Variants in UCHL3 observed in about 807,000 individuals in gnomAD.
UCHL3 encodes ubiquitin C-terminal hydrolase L3.
UCHL3 carries 22 observed loss-of-function variants against 35.8 expected under a neutral mutation model. That is an observed-to-expected ratio of 0.61 (90% CI 0.44 to 0.88). UCHL3 has a LOEUF of 0.88. Ranked by LOEUF, UCHL3 falls within the 40% of genes least tolerant of loss-of-function variation. UCHL3 has a pLI of 0.00. For synonymous variants in UCHL3, 90 were observed against 92.8 expected (o/e 0.97, Z 0.17); for missense variants, 229 against 276.9 (o/e 0.83, Z 1.23).
intron 5 of UCHL3, 147 bp downstream of exon 5, chr13:75,567,459 A>T: frequency 1.5e-6 from 1 of 664,208 alleles, no homozygotes. Flanking sequence ...TACTTTTCAG[A>T]TAACTTTGAA....
chr13:75,572,079 G>A (rs1487043845), intron 6 of UCHL3, among the ~76,000 whole-genome samples: 1 of 141,728 alleles, frequency 7.1e-6, no homozygotes, highest in African/African-American at 2.7e-5. Flanking sequence ...TCTTTAACTT[G>A]TCTTTCTAAC....
At chr13:75,592,516 G>A (rs1437902560) in intron 6 of UCHL3, among the ~76,000 whole-genome samples, 2 of 86,328 alleles carry the variant, frequency 2.3e-5, no homozygotes, top group East Asian at 7.1e-4. Flanking sequence ...TTTGCCCTTT[G>A]TGTAGTTATT....
intron 2 of UCHL3, among the ~76,000 whole-genome samples, chr13:75,558,896 C>A (rs982086161): frequency 6.6e-6 from 1 of 152,074 alleles, no homozygotes; most frequent in African/African-American, 2.4e-5. Context: ...ACTGAAAAAG[C>A]ATAGACTAGG....
In UCHL3 at chr13:75,560,733, TTC is replaced by T. The variant is rs913290453; in HGVS notation, c.55-18_55-17del. 3.8e-6 allele frequency: 6 copies of T among 1,580,162 alleles called. No individual in the cohort carries two copies. The highest frequency in any genetic ancestry group is 4.3e-6 in the Non-Finnish European group (5 of 1,167,014). ...CAACTAATGTTCCATTGTTTTTTTT[TTC>T]TTTCTTTCTTTTACCAGTTTCTTAA... On this transcript the variant is annotated intron_variant, in intron 2 of 8. Transcript: ENST00000377595.
At chr13:75,569,435 A>G (rs779613631) in intron 5 of UCHL3, 25 bp from the exon 6 acceptor site, 7 of 1,569,890 alleles carry the variant, frequency 4.5e-6, no homozygotes, top group Non-Finnish European at 6.0e-6. Flanking sequence ...ATTTTTTCCA[A>G]TGAATACCTT....
chr13:75,566,294 A>G (rs550814667), intron 3 of UCHL3, among the ~76,000 whole-genome samples: 1 of 152,370 alleles, frequency 6.6e-6, no homozygotes, highest in South Asian at 2.1e-4. Context: ...TAAATCTATT[A>G]TGCTTTATAG....
At chr13:75,551,091 A>G (rs2031088489) in intron 2 of UCHL3, among the ~76,000 whole-genome samples, 1 of 152,218 alleles carries the variant, frequency 6.6e-6, no homozygotes, top group African/African-American at 2.4e-5. Context: ...ATCTCTTGAG[A>G]TGATCATTTA....
At chr13:75,592,811 C>T (rs2032548028) in intron 6 of UCHL3, among the ~76,000 whole-genome samples, 1 of 151,922 alleles carries the variant, frequency 6.6e-6, no homozygotes, top group South Asian at 2.1e-4. Flanking sequence ...TGCAACGATG[C>T]ACAATTTTGA....
chr13:75,565,639 C>A (rs2031658446), intron 3 of UCHL3, among the ~76,000 whole-genome samples: 1 of 152,114 alleles, frequency 6.6e-6, no homozygotes, highest in African/African-American at 2.4e-5. Context: ...CAGCCATAGA[C>A]AATACATAAT....
chr13:75,552,836 ATTGTGATTATTTT>A (rs2031159441), intron 2 of UCHL3, among the ~76,000 whole-genome samples: 1 of 152,174 alleles, frequency 6.6e-6, no homozygotes, highest in South Asian at 2.1e-4. Flanking sequence ...CTAAATCTTC[ATTGTGATTATTTT>A]TTGTGATTTG....
At chr13:75,554,656 G>A (rs1183861501) in intron 2 of UCHL3, among the ~76,000 whole-genome samples, 1 of 152,130 alleles carries the variant, frequency 6.6e-6, no homozygotes. Context: ...TGCACCCAAA[G>A]TGGCCTTAAA....
intron 6 of UCHL3, among the ~76,000 whole-genome samples, chr13:75,583,907 G>C (rs939561861): frequency 3.9e-5 from 6 of 152,174 alleles, no homozygotes; most frequent in Non-Finnish European, 7.4e-5. Context: ...CCTGAAGGGA[G>C]AGCTCATATC....
Position 75,605,764 on chromosome 13 carries a change from C to T in UCHL3, c.645C>T (p.Arg215=), listed in dbSNP as rs561552308. Residue 215 remains arginine (R), a synonymous_variant, in exon 9 of 9, where the codon CGC becomes CGT. Coordinates refer to ENST00000377595, the MANE Select transcript of UCHL3 (RefSeq NM_006002.5). ...AIEVCKKFME[R]DPDELRFNAI... ...AAGTTTGCAAGAAGTTTATGGAGCG[C>T]GACCCTGATGAACTAAGATTTAATG... 20 of 1,613,792 alleles carry T rather than the reference C, an allele frequency of 1.2e-5. No individual in the cohort carries two copies. Among genetic ancestry groups the T allele is most frequent in the East Asian group, 8.9e-5 (4 of 44,846 alleles).
intron 6 of UCHL3, among the ~76,000 whole-genome samples, chr13:75,584,456 T>G (rs1205325422): frequency 2.0e-5 from 3 of 152,172 alleles, no homozygotes; most frequent in African/African-American, 7.2e-5. Flanking sequence ...ATTCTCAAGG[T>G]AATCATAGCA....
chr13:75,580,507 T>C (rs9600500), intron 6 of UCHL3, among the ~76,000 whole-genome samples: 3,740 of 152,276 alleles, frequency 0.025, 165 homozygotes, highest in African/African-American at 0.084. Context: ...TTCCCAATTA[T>C]TTTCTTTTCC....
intron 7 of UCHL3, among the ~76,000 whole-genome samples, chr13:75,602,212 A>G (rs540339938): frequency 6.8e-4 from 103 of 152,310 alleles, no homozygotes; most frequent in African/African-American, 2.3e-3. Context: ...GTCGTTGGCC[A>G]TTGTTGGGTA....
intron 6 of UCHL3, chr13:75,590,065 C>T (rs1278885957): frequency 7.7e-7 from 1 of 1,304,406 alleles, no homozygotes; most frequent in Non-Finnish European, 1.0e-6. Context: ...GCTACCAGTC[C>T]ATCTCTCCGT....
At chr13:75,580,560 C>A (rs147892375) in intron 6 of UCHL3, among the ~76,000 whole-genome samples, 161 of 152,336 alleles carry the variant, frequency 1.1e-3, no homozygotes, top group African/African-American at 3.7e-3. Flanking sequence ...CTCTCCCTCT[C>A]CCTCTCCTCA....
At chr13:75,556,835 C>T (rs2031308005) in intron 2 of UCHL3, among the ~76,000 whole-genome samples, 1 of 152,098 alleles carries the variant, frequency 6.6e-6, no homozygotes, top group Non-Finnish European at 1.5e-5. Context: ...TAAATAGGTG[C>T]CATAGTGTTC....
Sources: gnomAD v4.1 joint callset for allele counts (sites outside exome capture counted in the v4.1 genomes callset) on GRCh38, gnomAD v4.1.1 for gene constraint, MANE v1.5 for transcripts, NCBI Gene and HGNC (gene_info 2026-07-23, HGNC 2026-07-21) for gene names.